The following ISYNA1 variants were observed in gnomAD, a reference collection of about 807,000 sequenced individuals.
ISYNA1 encodes inositol-3-phosphate synthase 1, also known as MI-1-P synthase.
ISYNA1 carries 34 observed loss-of-function variants against 50.3 expected under a neutral mutation model. That is an observed-to-expected ratio of 0.68 (90% CI 0.51 to 0.90). ISYNA1 has a LOEUF of 0.90. Ranked by LOEUF, ISYNA1 falls within the 40% of genes least tolerant of loss-of-function variation. The probability of loss-of-function intolerance (pLI) is 0.00; values close to 1 mark genes in which losing one functional copy is unlikely to be tolerated. For synonymous variants in ISYNA1, 396 were observed against 349.9 expected (o/e 1.13, Z -1.47); for missense variants, 718 against 784.8 (o/e 0.91, Z 1.02).
At position 18,435,792 on chromosome 19, in the gene ISYNA1, C is replaced by T; in HGVS notation, c.1105G>A (p.Val369Met). 6.2e-7 allele frequency: 1 copy of T among 1,613,706 alleles called. No homozygotes were observed. The highest frequency in any genetic ancestry group is 8.5e-7 in the Non-Finnish European group (1 of 1,179,922). The part of the protein sequence containing the change: ...VVDDMVQSNP[V>M]LYTPGEEPDH... ...GGCTCTTCGCCGGGCGTATAGAGCACTGGGTTGCTCTGCACCATGTCGTCC... is the reference window on the plus strand; with the variant it reads ...GGCTCTTCGCCGGGCGTATAGAGCATTGGGTTGCTCTGCACCATGTCGTCC... Residue 369 changes from valine to methionine, a missense_variant, in exon 8 of 11, where the codon GTG becomes ATG. Physicochemically the swap from Val to Met is conservative, Grantham distance 21 (BLOSUM62 1). Transcript: ENST00000338128.
At position 18,434,937 on chromosome 19, in the gene ISYNA1, C is replaced by T. The variant is rs149546342; in HGVS notation, c.1653G>A (p.Glu551=). The change falls in exon 11 of 11, where the codon GAG becomes GAA. Residue 551 remains glutamate, a synonymous_variant. Transcript: ENST00000338128. ...CTCAGGTGGTGGGCATTGGGGGCTC[C>T]TCTTGCAGATGCCCATTGGCATCAC... is the stretch of plus-strand genomic sequence containing the variant. ...CTGDANGHLQ[E]EPPMPTT is the part of the protein sequence containing the mutation. 4,631 of 1,613,178 alleles carry T rather than the reference C, an allele frequency of 2.9e-3. 10 individuals carry two copies. Among genetic ancestry groups the T allele is most frequent in the Non-Finnish European group, 3.5e-3 (4,116 of 1,179,956 alleles).
At chr19:18,437,205 C>A (rs1047510840) in intron 3 of ISYNA1, 100 bp from the exon 4 acceptor site, 23 of 1,459,536 alleles carry the variant, frequency 1.6e-5, no homozygotes, top group Admixed American at 4.8e-5. Flanking sequence ...GCCCCACTTT[C>A]GGGCATTTTT....
rs546047631 is a variant in ISYNA1, at chr19:18,435,939, G to C, written c.976-18C>G. Reference sequence around the variant, plus strand: ...GACATGGTCTGTGGGTACAAGGGAAGCCCCAGCAGCTGCAGGCCCTGCGGC... The same window carrying C: ...GACATGGTCTGTGGGTACAAGGGAACCCCCAGCAGCTGCAGGCCCTGCGGC... On this transcript the variant is annotated intron_variant, in intron 7 of 10. Transcript: ENST00000338128. 4.3e-6 allele frequency: 7 copies of C among 1,613,546 alleles called. No homozygotes were observed. The South Asian group carries it at 7.7e-5, about 18-fold the overall frequency.
In ISYNA1 at chr19:18,435,690, G is replaced by A. The variant is rs1314752022; in HGVS notation, c.1141-14C>T. 59 of 1,611,564 alleles carry A rather than the reference G, an allele frequency of 3.7e-5. No homozygotes were observed. Among genetic ancestry groups the A allele is most frequent in the Non-Finnish European group, 4.7e-5 (55 of 1,179,304 alleles). ...CTTGATGACCACCTGGAGTGCAGCA[G>A]GAGTTTGCCCGGGTCCCTGCCACCC... On this transcript the variant is annotated splice_polypyrimidine_tract_variant and intron_variant, in intron 8 of 10. Coordinates refer to ENST00000338128, the MANE Select transcript of ISYNA1 (RefSeq NM_016368.5).
intron 3 of ISYNA1, 102 bp from the exon 4 acceptor site, chr19:18,437,207 G>A: frequency 6.9e-7 from 1 of 1,459,086 alleles, no homozygotes; most frequent in South Asian, 1.4e-5. Flanking sequence ...CCCACTTTCG[G>A]GCATTTTTCA....
Position 18,435,050 on chromosome 19 carries a change from T to C in ISYNA1, c.1540A>G (p.Ser514Gly). 6.2e-7 allele frequency: 1 copy of C among 1,613,590 alleles called. No individual in the cohort carries two copies. Among genetic ancestry groups the C allele is most frequent in the Non-Finnish European group, 8.5e-7 (1 of 1,179,992 alleles). Residue 514 changes from serine to glycine, a missense_variant, in exon 11 of 11, where the codon AGC (serine) becomes GGC (glycine). This residue lies in a region of ISYNA1 where 305 missense variants were observed against 292.6 expected (regional missense o/e 1.04). Coordinates refer to ENST00000338128, the MANE Select transcript of ISYNA1 (RefSeq NM_016368.5). The part of the protein sequence containing the change: ...LEHKMERPGP[S>G]LKRVGPVAAT... The stretch of plus-strand genomic sequence containing the variant: ...GCCACGGGTCCAACTCGCTTGAGGC[T>C]GGGCCCTGGGCGCTCCATTTTGTGT...
chr19:18,437,190 G>A, intron 3 of ISYNA1, 85 bp from the exon 4 acceptor site: 1 of 1,471,562 alleles, frequency 6.8e-7, no homozygotes, highest in South Asian at 1.3e-5. Context: ...AGACTCTCAA[G>A]CCCCGCCCCA....
At chr19:18,436,562 C>T in intron 5 of ISYNA1, 83 bp from the exon 6 acceptor site, 3 of 1,597,056 alleles carry the variant, frequency 1.9e-6, no homozygotes, top group Non-Finnish European at 2.6e-6. Context: ...CTCACAGAGG[C>T]CTGGGCTACT....
chr19:18,434,604 C>G lies in ISYNA1; in HGVS notation c.*309G>C, dbSNP rs1020958096. 5 of 539,720 alleles carry G rather than the reference C, an allele frequency of 9.3e-6. No homozygotes were observed. The highest frequency in any genetic ancestry group is 1.6e-5 in the Non-Finnish European group (5 of 304,764). 33.4% of individuals were successfully genotyped at this position (539,720 alleles called of 1,614,324 possible). ...CTCTTTGGCCTTCTGCCACCACACT[C>G]TCCACCCTGTGGTCTTGTTCCGTCC... On this transcript the variant is annotated 3_prime_UTR_variant, in exon 11 of 11. Transcript: ENST00000338128.
chr19:18,436,928 C>A (rs768550882), intron 4 of ISYNA1, 45 bp downstream of exon 4: 2 of 1,602,382 alleles, frequency 1.2e-6, no homozygotes, highest in Non-Finnish European at 1.7e-6. Flanking sequence ...CCCCTCCAGA[C>A]CCCATCTCCC....
At position 18,435,723 on chromosome 19, in the gene ISYNA1, G is replaced by A. The variant is rs757886478; in HGVS notation, c.1140+34C>T. The A allele has an allele frequency of 1.9e-6, 3 of 1,609,848 alleles. No individual in the cohort carries two copies. In the Admixed American group the frequency reaches 5.0e-5, roughly 27 times the overall value. ...CCCGGGTCCCTGCCACCCCTCGCCG[G>A]GCAACCCCGCGCCCGCGCCCGCGCC... is the stretch of plus-strand genomic sequence containing the variant. On this transcript the variant is annotated intron_variant, in intron 8 of 10. Transcript: ENST00000338128.
Position 18,437,724 on chromosome 19 carries a change from C to A in ISYNA1, c.157G>T (p.Ala53Ser). The A allele has an allele frequency of 1.3e-6, 2 of 1,565,264 alleles. No homozygotes were observed. The highest frequency in any genetic ancestry group is 1.7e-6 in the Non-Finnish European group (2 of 1,158,472). ...PTSTRFTFRT[A>S]RQVPRLGVML... ...ACCCCGAGCCGGGGCACCTGCCGGG[C>A]GGTCCGGAAGGTGAAGCGCGTGGAC... is the stretch of plus-strand genomic sequence containing the variant. Residue 53 changes from alanine (A) to serine (S), a missense_variant, in exon 3 of 11, where the codon GCC becomes TCC. This residue lies in a region of ISYNA1 where 403 missense variants were observed against 466.6 expected (regional missense o/e 0.86). Transcript: ENST00000338128.
chr19:18,434,548 T>C lies in ISYNA1; in HGVS notation c.*365A>G. 1.9e-6 allele frequency: 1 copy of C among 518,652 alleles called. No individual in the cohort carries two copies. Among genetic ancestry groups the C allele is most frequent in the Non-Finnish European group, 3.3e-6 (1 of 300,004 alleles). 32.1% of individuals were successfully genotyped at this position (518,652 alleles called of 1,614,324 possible). On this transcript the variant is annotated 3_prime_UTR_variant, in exon 11 of 11. Transcript: ENST00000338128. ...GGGCCCATAAATAAATGGAAGCTGG[T>C]TTTGGTTTTTGGTAGCTTGTCTCAG...
At position 18,436,106 on chromosome 19, in the gene ISYNA1, C is replaced by T. The variant is rs1974006597; in HGVS notation, c.901G>A (p.Gly301Arg). ...GTCTGGCCTGACTTGAAGTCATCTC[C>T]GCCCACAAAAACCCGGTGCTGCCAC... The part of the protein sequence containing the change: ...LAWQHRVFVG[G>R]DDFKSGQTKV... The change falls in exon 7 of 11, where the codon GGA becomes AGA. Residue 301 changes from glycine to arginine, a missense_variant. Around this residue, in one of 3 missense-constraint regions of ISYNA1, gnomAD observed 403 missense variants for 466.6 expected, o/e 0.86. Coordinates refer to ENST00000338128, the MANE Select transcript of ISYNA1 (RefSeq NM_016368.5). The T allele has an allele frequency of 2.5e-6, 4 of 1,613,000 alleles. No homozygotes were observed. Among genetic ancestry groups the T allele is most frequent in the Non-Finnish European group, 3.4e-6 (4 of 1,179,904 alleles).
chr19:18,436,430 A>G lies in ISYNA1; in HGVS notation c.659T>C (p.Leu220Pro). The G allele has an allele frequency of 6.2e-7, 1 of 1,610,124 alleles. No homozygotes were observed. Among genetic ancestry groups the G allele is most frequent in the Non-Finnish European group, 8.5e-7 (1 of 1,179,828 alleles). Reference protein sequence around the residue: ...DIRDFRSSAGLDKVIVLWTAN... With the variant: ...DIRDFRSSAGPDKVIVLWTAN... The stretch of plus-strand genomic sequence containing the variant: ...CGTCCACAGCACTATGACTTTGTCC[A>G]GCCCCGCGCTAGACCGGAAGTCTCG... Residue 220 changes from leucine (L) to proline (P), a missense_variant, in exon 6 of 11, where the codon CTG becomes CCG. Leu to Pro is a moderately conservative substitution (Grantham distance 98). Transcript: ENST00000338128.
chr19:18,436,493 G>A lies in ISYNA1; in HGVS notation c.610-14C>T, dbSNP rs753491261. ...GATCTGCTCCAGCTGTGGGTTGGAT[G>A]GTGAGGGTGTGGGGAGGATGGAGAG... On this transcript the variant is annotated splice_polypyrimidine_tract_variant and intron_variant, in intron 5 of 10. Coordinates refer to ENST00000338128, the MANE Select transcript of ISYNA1 (RefSeq NM_016368.5). 6 of 1,603,166 alleles carry A rather than the reference G, an allele frequency of 3.7e-6. No individual in the cohort carries two copies. The highest frequency in any genetic ancestry group is 3.3e-5 in the Admixed American group (2 of 59,780).
Position 18,435,279 on chromosome 19 carries a change from C to T in ISYNA1, c.1459G>A (p.Glu487Lys), listed in dbSNP as rs745945356. 3.1e-6 allele frequency: 5 copies of T among 1,605,890 alleles called. No homozygotes were observed. The highest frequency in any genetic ancestry group is 2.2e-5 in the South Asian group (2 of 91,036). Residue 487 changes from glutamate (E) to lysine (K), a missense_variant, in exon 10 of 11, where the codon GAG becomes AAG. This residue lies in a region of ISYNA1 where 305 missense variants were observed against 292.6 expected (regional missense o/e 1.04). Coordinates refer to ENST00000338128, the MANE Select transcript of ISYNA1 (RefSeq NM_016368.5). Reference sequence around the variant, plus strand: ...GCTGGGGTGCACCTGAGGATGTTCTCGATGCAGCTGCGCTGGCGGAAAAGC... The same window carrying T: ...GCTGGGGTGCACCTGAGGATGTTCTTGATGCAGCTGCGCTGGCGGAAAAGC... ...NALFRQRSCI[E>K]NILRACVGLP...
Position 18,435,625 on chromosome 19 carries a change from C to T in ISYNA1, c.1192G>A (p.Glu398Lys). 2 of 1,611,482 alleles carry T rather than the reference C, an allele frequency of 1.2e-6. No individual in the cohort carries two copies. Among genetic ancestry groups the T allele is most frequent in the Non-Finnish European group, 1.7e-6 (2 of 1,179,096 alleles). Residue 398 changes from glutamate (E) to lysine (K), a missense_variant, in exon 9 of 11, where the codon GAG (glutamate) becomes AAG (lysine). Glu to Lys is a moderately conservative substitution (Grantham distance 56). Transcript: ENST00000338128. ...YVGDSKRALD[E>K]YTSELMLGGT... ...CCCAGCATCAGCTCCGAGGTATACT[C>T]ATCCAGCGCGCGCTTGCTGTCACCC... is the stretch of plus-strand genomic sequence containing the variant.
chr19:18,437,213 T>A (rs2144857767), intron 3 of ISYNA1, 108 bp from the exon 4 acceptor site: 1 of 1,456,302 alleles, frequency 6.9e-7, no homozygotes, highest in South Asian at 1.4e-5. Flanking sequence ...TTCGGGCATT[T>A]TTCAGTTCCA....
Sources: gnomAD v4.1 joint callset for allele counts on GRCh38, gnomAD v4.1.1 for gene constraint, gnomAD v4.1.1 regional missense constraint, MANE v1.5 for transcripts, NCBI Gene and HGNC (gene_info 2026-07-23, HGNC 2026-07-21) for gene names.